ADO: variants seen among roughly 807,000 people sequenced by gnomAD.
ADO encodes the protein 2-aminoethanethiol (cysteamine) dioxygenase.
A neutral mutation model predicts 16.6 loss-of-function variants in ADO; 9 were observed. The observed-to-expected ratio is 0.54, with a 90% CI of 0.33 to 0.95. The LOEUF is 0.95. Among genes scored for constraint, ADO ranks in the 40% least tolerant of loss-of-function variants. ADO has a pLI of 0.03. For missense variants in ADO, 356 were observed against 386.4 expected (o/e 0.92, Z 0.66); for synonymous variants, 189 against 179.6 (o/e 1.05, Z -0.42).
chr10:62,805,351 C>A lies in ADO; in HGVS notation c.292C>A (p.Leu98Met). Residue 98 changes from leucine to methionine, a missense_variant, in exon 1 of 1, where the codon CTG (leucine) becomes ATG (methionine). Coordinates refer to ENST00000373783, the MANE Select transcript of ADO (RefSeq NM_032804.6). This position sits in a 1 kb window ranked among gnomAD's most constrained non-coding sequence, Gnocchi z 6.4. ...MHIYETDGFS[L>M]GVFLLKSGTS... ...CATCTACGAGACGGACGGCTTCAGC[C>A]TGGGCGTGTTCCTGCTCAAGAGCGG... 1.2e-6 allele frequency: 2 copies of A among 1,602,456 alleles called. No individual in the cohort carries two copies. The highest frequency in any genetic ancestry group is 2.2e-5 in the East Asian group (1 of 44,692).
In ADO at chr10:62,807,079, T is replaced by A. The variant is rs140167418; in HGVS notation, c.*1207T>A. 2.4e-5 allele frequency: 4 copies of A among 167,294 alleles called. No individual in the cohort carries two copies. In the East Asian group the frequency reaches 7.5e-4, roughly 31 times the overall value. 10.4% of individuals were successfully genotyped at this position (167,294 alleles called of 1,614,324 possible). ...GAGAATTAACTATACTACTAGCCATTTTAGGGCACCAAAACTTGGGATTAA... is the reference window on the plus strand; with the variant it reads ...GAGAATTAACTATACTACTAGCCATATTAGGGCACCAAAACTTGGGATTAA... On this transcript the variant is annotated 3_prime_UTR_variant, in exon 1 of 1. Coordinates refer to ENST00000373783, the MANE Select transcript of ADO (RefSeq NM_032804.6).
rs779732034 is a variant in ADO at position 62,805,089 on chromosome 10, C to T, written c.30C>T (p.Ile10=). 6.6e-7 allele frequency: 1 copy of T among 1,526,076 alleles called. No homozygotes were observed. Among genetic ancestry groups the T allele is most frequent in the African/African-American group, 1.4e-5 (1 of 71,462 alleles). 94.5% of individuals were successfully genotyped at this position (1,526,076 alleles called of 1,614,324 possible). A position where few individuals can be genotyped will look rare whatever the true frequency, so the allele number is the denominator to read the frequency against. Residue 10 remains isoleucine (I), a synonymous_variant, in exon 1 of 1, where the codon ATC becomes ATT. Coordinates refer to ENST00000373783, the MANE Select transcript of ADO (RefSeq NM_032804.6). The surrounding 1 kb of genome is among the most constrained non-coding windows in gnomAD (Gnocchi z 6.4). MPRDNMASL[I]QRIARQACLT... ...CCCGAGACAACATGGCCTCCTTGAT[C>T]CAACGGATCGCCCGCCAGGCTTGCC...
At position 62,805,383 on chromosome 10, in the gene ADO, C is replaced by A; in HGVS notation, c.324C>A (p.Ser108=). ...TGTTCCTGCTCAAGAGCGGCACGTC[C>A]ATCCCGCTGCACGACCACCCGGGCA... ...LGVFLLKSGT[S]IPLHDHPGMH... Residue 108 remains serine (S), a synonymous_variant, in exon 1 of 1, where the codon TCC becomes TCA. Coordinates refer to ENST00000373783, the MANE Select transcript of ADO (RefSeq NM_032804.6). This position sits in a 1 kb window ranked among gnomAD's most constrained non-coding sequence, Gnocchi z 6.4. The A allele has an allele frequency of 6.3e-7, 1 of 1,594,618 alleles. No individual in the cohort carries two copies. Among genetic ancestry groups the A allele is most frequent in the Non-Finnish European group, 8.5e-7 (1 of 1,174,056 alleles).
chr10:62,805,927 G>T lies in ADO; in HGVS notation c.*55G>T. 7.1e-7 allele frequency: 1 copy of T among 1,409,946 alleles called. No individual in the cohort carries two copies. Among genetic ancestry groups the T allele is most frequent in the Non-Finnish European group, 9.3e-7 (1 of 1,070,828 alleles). 87.3% of individuals were successfully genotyped at this position (1,409,946 alleles called of 1,614,324 possible). The stretch of plus-strand genomic sequence containing the variant: ...AAGACGTGCCCTACCCTACCACAAG[G>T]GCTGTGTCTCTACCCCCTAGCCTGG... On this transcript the variant is annotated 3_prime_UTR_variant, in exon 1 of 1. Transcript: ENST00000373783. The surrounding 1 kb of genome is among the most constrained non-coding windows in gnomAD (Gnocchi z 6.4).
Position 62,805,157 on chromosome 10 carries a change from G to T in ADO, c.98G>T (p.Arg33Leu). Residue 33 changes from arginine (R) to leucine (L), a missense_variant, in exon 1 of 1, where the codon CGC becomes CTC. Transcript: ENST00000373783. This position sits in a 1 kb window ranked among gnomAD's most constrained non-coding sequence, Gnocchi z 6.4. ...GSGGGRGASDRDAASGPEAPM... is the reference protein window; with the variant it reads ...GSGGGRGASDLDAASGPEAPM... ...GGGGGCGGCCGCGGCGCTTCCGATC[G>T]CGACGCGGCTTCTGGCCCGGAGGCG... is the stretch of plus-strand genomic sequence containing the variant. 6.3e-7 allele frequency: 1 copy of T among 1,586,940 alleles called. No homozygotes were observed.
rs1445015571 is a variant in ADO at position 62,806,801 on chromosome 10, C to T, written c.*929C>T. ...CTTCCAAACAACTGAATGTAAAACA[C>T]TCCTAGCCAGTTGTTGCATTCCCTA... On this transcript the variant is annotated 3_prime_UTR_variant, in exon 1 of 1. Coordinates refer to ENST00000373783, the MANE Select transcript of ADO (RefSeq NM_032804.6). 1.2e-5 allele frequency: 2 copies of T among 167,064 alleles called. No individual in the cohort carries two copies. Among genetic ancestry groups the T allele is most frequent in the Non-Finnish European group, 2.9e-5 (2 of 68,122 alleles). The allele number at this position is 167,064 out of a possible 1,614,324, so 10.3% of individuals were successfully genotyped here.
chr10:62,805,316 C>T lies in ADO; in HGVS notation c.257C>T (p.Thr86Ile). ...CTGCCGCCCAACCTGCCGCCAGTCA[C>T]CTACATGCACATCTACGAGACGGAC... ...QPLPPNLPPVTYMHIYETDGF... is the reference protein window; with the variant it reads ...QPLPPNLPPVIYMHIYETDGF... Residue 86 changes from threonine to isoleucine, a missense_variant, in exon 1 of 1, where the codon ACC (threonine) becomes ATC (isoleucine). Thr to Ile is a moderately conservative substitution (Grantham distance 89). Transcript: ENST00000373783. The surrounding 1 kb of genome is among the most constrained non-coding windows in gnomAD (Gnocchi z 6.4). The T allele has an allele frequency of 6.2e-7, 1 of 1,604,384 alleles. No individual in the cohort carries two copies.
chr10:62,804,960 G>A lies in ADO; in HGVS notation c.-100G>A, dbSNP rs1842032768. 1.7e-6 allele frequency: 2 copies of A among 1,168,456 alleles called. No homozygotes were observed. Among genetic ancestry groups the A allele is most frequent in the African/African-American group, 1.6e-5 (1 of 62,292 alleles). The allele number at this position is 1,168,456 out of a possible 1,614,324, so 72.4% of individuals were successfully genotyped here. On this transcript the variant is annotated 5_prime_UTR_variant, in exon 1 of 1. Coordinates refer to ENST00000373783, the MANE Select transcript of ADO (RefSeq NM_032804.6). ...CGGGCCGGTGGTTGCGGGGCCTCCCGCCTCGACCCGGGCTGGGGGCAGCCG... is the reference window on the plus strand; with the variant it reads ...CGGGCCGGTGGTTGCGGGGCCTCCCACCTCGACCCGGGCTGGGGGCAGCCG...
rs1300280518 is a variant in ADO, at chr10:62,806,817, GC to G, written c.*946del. Reference sequence around the variant, plus strand: ...TGTAAAACACTCCTAGCCAGTTGTTGCATTCCCTATATTTATTTACTTCCAA... The same window carrying G: ...TGTAAAACACTCCTAGCCAGTTGTTGATTCCCTATATTTATTTACTTCCAA... On this transcript the variant is annotated 3_prime_UTR_variant, in exon 1 of 1. Transcript: ENST00000373783. The G allele has an allele frequency of 1.2e-5, 2 of 167,090 alleles. No homozygotes were observed. The highest frequency in any genetic ancestry group is 2.9e-5 in the Non-Finnish European group (2 of 68,110). The allele number at this position is 167,090 out of a possible 1,614,324, so 10.4% of individuals were successfully genotyped here.
At position 62,808,284 on chromosome 10, in the gene ADO, C is replaced by T. The variant is rs1384972401; in HGVS notation, c.*2412C>T. 1 of 167,264 alleles carries T rather than the reference C, an allele frequency of 6.0e-6. No homozygotes were observed. The highest frequency in any genetic ancestry group is 1.5e-5 in the Non-Finnish European group (1 of 68,126). The allele number at this position is 167,264 out of a possible 1,614,324, so 10.4% of individuals were successfully genotyped here. A position where few individuals can be genotyped will look rare whatever the true frequency, so the allele number is the denominator to read the frequency against. On this transcript the variant is annotated 3_prime_UTR_variant, in exon 1 of 1. Coordinates refer to ENST00000373783, the MANE Select transcript of ADO (RefSeq NM_032804.6). ...AATGTGGTGCAGAAACTATCTTGCA[C>T]CTGTGTGCATAAACTGTTAGTCGTG...
Position 62,805,785 on chromosome 10 carries a change from T to A in ADO, c.726T>A (p.Pro242=), listed in dbSNP as rs1187354466. The A allele has an allele frequency of 1.9e-6, 3 of 1,592,910 alleles. No individual in the cohort carries two copies. Residue 242 remains proline (P), a synonymous_variant, in exon 1 of 1, where the codon CCT becomes CCA. Transcript: ENST00000373783. The surrounding 1 kb of genome is among the most constrained non-coding windows in gnomAD (Gnocchi z 6.4). ...KEASSSACDL[P]REVWLLETPQ... ...CCTCCAGCTCGGCCTGTGACCTGCC[T>A]CGAGAGGTGTGGCTCCTGGAGACCC... is the stretch of plus-strand genomic sequence containing the variant.
In ADO at chr10:62,805,940, C is replaced by T. The variant is rs1589077336; in HGVS notation, c.*68C>T. ...CCCTACCACAAGGGCTGTGTCTCTA[C>T]CCCCTAGCCTGGGCGTTGGATCTAC... On this transcript the variant is annotated 3_prime_UTR_variant, in exon 1 of 1. Coordinates refer to ENST00000373783, the MANE Select transcript of ADO (RefSeq NM_032804.6). The surrounding 1 kb of genome is among the most constrained non-coding windows in gnomAD (Gnocchi z 6.4). 1.5e-6 allele frequency: 2 copies of T among 1,359,082 alleles called. No homozygotes were observed. The highest frequency in any genetic ancestry group is 1.6e-5 in the South Asian group (1 of 61,046). 84.2% of individuals were successfully genotyped at this position (1,359,082 alleles called of 1,614,324 possible).
Position 62,805,729 on chromosome 10 carries a change from C to G in ADO, c.670C>G (p.Arg224Gly), listed in dbSNP as rs1368289852. 2 of 1,610,902 alleles carry G rather than the reference C, an allele frequency of 1.2e-6. No individual in the cohort carries two copies. The highest frequency in any genetic ancestry group is 1.7e-6 in the Non-Finnish European group (2 of 1,179,146). The change falls in exon 1 of 1, where the codon CGG (arginine) becomes GGG (glycine). Residue 224 changes from arginine to glycine, a missense_variant. Physicochemically the swap from Arg to Gly is moderately radical, Grantham distance 125. Coordinates refer to ENST00000373783, the MANE Select transcript of ADO (RefSeq NM_032804.6). The surrounding 1 kb of genome is among the most constrained non-coding windows in gnomAD (Gnocchi z 6.4). ...CGATGGCCGGGACTGCCACTATTACCGGGTGCTGGAGCCGGTCAGGCCCAA... is the reference window on the plus strand; with the variant it reads ...CGATGGCCGGGACTGCCACTATTACGGGGTGCTGGAGCCGGTCAGGCCCAA... ...PDDGRDCHYY[R>G]VLEPVRPKEA...
In ADO at chr10:62,805,297, C is replaced by T. The variant is rs1470744683; in HGVS notation, c.238C>T (p.Pro80Ser). Reference sequence around the variant, plus strand: ...CAAGGCCACACTGCAGCCGCTGCCGCCCAACCTGCCGCCAGTCACCTACAT... The same window carrying T: ...CAAGGCCACACTGCAGCCGCTGCCGTCCAACCTGCCGCCAGTCACCTACAT... Reference protein sequence around the residue: ...PRKATLQPLPPNLPPVTYMHI... With the variant: ...PRKATLQPLPSNLPPVTYMHI... Residue 80 changes from proline (P) to serine (S), a missense_variant, in exon 1 of 1, where the codon CCC becomes TCC. By Grantham distance (74) the Pro-to-Ser change is moderately conservative (BLOSUM62 -1). Coordinates refer to ENST00000373783, the MANE Select transcript of ADO (RefSeq NM_032804.6). This position sits in a 1 kb window ranked among gnomAD's most constrained non-coding sequence, Gnocchi z 6.4. 6.2e-7 allele frequency: 1 copy of T among 1,603,612 alleles called. No homozygotes were observed. Among genetic ancestry groups the T allele is most frequent in the Non-Finnish European group, 8.5e-7 (1 of 1,179,264 alleles).
Position 62,805,301 on chromosome 10 carries a change from A to C in ADO, c.242A>C (p.Asn81Thr). 1 of 1,603,520 alleles carries C rather than the reference A, an allele frequency of 6.2e-7. No homozygotes were observed. ...RKATLQPLPP[N>T]LPPVTYMHIY... ...GCCACACTGCAGCCGCTGCCGCCCA[A>C]CCTGCCGCCAGTCACCTACATGCAC... The change falls in exon 1 of 1, where the codon AAC becomes ACC. Residue 81 changes from asparagine (N) to threonine (T), a missense_variant. Physicochemically the swap from Asn to Thr is moderately conservative, Grantham distance 65 (BLOSUM62 0). Transcript: ENST00000373783. The surrounding 1 kb of genome is among the most constrained non-coding windows in gnomAD (Gnocchi z 6.4).
chr10:62,806,255 C>G lies in ADO; in HGVS notation c.*383C>G, dbSNP rs1365727046. The G allele has an allele frequency of 5.3e-6, 1 of 190,246 alleles. No homozygotes were observed. The highest frequency in any genetic ancestry group is 2.4e-5 in the African/African-American group (1 of 42,322). The allele number at this position is 190,246 out of a possible 1,614,324, so 11.8% of individuals were successfully genotyped here. A position where few individuals can be genotyped will look rare whatever the true frequency, so the allele number is the denominator to read the frequency against. On this transcript the variant is annotated 3_prime_UTR_variant, in exon 1 of 1. Transcript: ENST00000373783. ...CCCTTAGTTAAATAGGGTTTATTTT[C>G]CACTCATGCCCTTATGCCTTTTTTT...
chr10:62,807,351 A>G lies in ADO; in HGVS notation c.*1479A>G, dbSNP rs1313111864. The G allele has an allele frequency of 6.0e-6, 1 of 167,210 alleles. No homozygotes were observed. Among genetic ancestry groups the G allele is most frequent in the East Asian group, 1.9e-4 (1 of 5,348 alleles). 10.4% of individuals were successfully genotyped at this position (167,210 alleles called of 1,614,324 possible). On this transcript the variant is annotated 3_prime_UTR_variant, in exon 1 of 1. Coordinates refer to ENST00000373783, the MANE Select transcript of ADO (RefSeq NM_032804.6). ...ATTAAAATTTGCCCAGCTGTCGTCT[A>G]AGCCCTCTTGATTGACTTGCCCAAG...
rs779159197 is a variant in ADO at position 62,805,624 on chromosome 10, C to G, written c.565C>G (p.Arg189Gly). Residue 189 changes from arginine (R) to glycine (G), a missense_variant, in exon 1 of 1, where the codon CGG becomes GGG. By Grantham distance (125) the Arg-to-Gly change is moderately radical. Coordinates refer to ENST00000373783, the MANE Select transcript of ADO (RefSeq NM_032804.6). The surrounding 1 kb of genome is among the most constrained non-coding windows in gnomAD (Gnocchi z 6.4). Reference sequence around the variant, plus strand: ...CGGCCCCTGCATCCTCACACCGCACCGGGACAACCTGCACCAGATCGACGC... The same window carrying G: ...CGGCCCCTGCATCCTCACACCGCACGGGGACAACCTGCACCAGATCGACGC... ...ASGPCILTPHRDNLHQIDAVE... is the reference protein window; with the variant it reads ...ASGPCILTPHGDNLHQIDAVE... 11 of 1,605,648 alleles carry G rather than the reference C, an allele frequency of 6.9e-6. No homozygotes were observed. The South Asian group carries it at 1.1e-4, about 16-fold the overall frequency.
In ADO at chr10:62,805,559, C is replaced by T. The variant is rs1159592373; in HGVS notation, c.500C>T (p.Pro167Leu). 1.3e-6 allele frequency: 2 copies of T among 1,556,930 alleles called. No homozygotes were observed. Among genetic ancestry groups the T allele is most frequent in the Non-Finnish European group, 8.7e-7 (1 of 1,152,280 alleles). ...LQPREREAVR[P>L]GVLRSRAEYT... ...CCCCGGGAGCGAGAAGCCGTGCGGC[C>T]GGGCGTGCTGCGTTCGCGGGCCGAG... Residue 167 changes from proline (P) to leucine (L), a missense_variant, in exon 1 of 1, where the codon CCG becomes CTG. By Grantham distance (98) the Pro-to-Leu change is moderately conservative. Coordinates refer to ENST00000373783, the MANE Select transcript of ADO (RefSeq NM_032804.6). This position sits in a 1 kb window ranked among gnomAD's most constrained non-coding sequence, Gnocchi z 6.4.
Sources: allele counts gnomAD v4.1 joint callset, GRCh38; gene constraint gnomAD v4.1.1; non-coding constraint Gnocchi (gnomAD v3.1); transcripts MANE v1.5; gene names NCBI Gene and HGNC (gene_info 2026-07-23, HGNC 2026-07-21).